P2RY14: variants seen among roughly 807,000 people sequenced by gnomAD.
P2RY14 encodes purinergic receptor P2Y14, also known as P2Y purinoceptor 14.
P2RY14 carries 2 observed loss-of-function variants against 0.9 expected under a neutral mutation model. The ratio of observed to expected loss-of-function variants is 2.16; its 90% CI spans 0.88 to 6.79. The LOEUF is 6.79. Among genes scored for constraint, P2RY14 ranks in the 30% most tolerant of loss-of-function variants. The pLI, the probability that P2RY14 is intolerant of heterozygous loss-of-function variation, is 0.05. For missense variants in P2RY14, 378 were observed against 400.1 expected (o/e 0.94, Z 0.47); for synonymous variants, 158 against 147.2 (o/e 1.07, Z -0.53).
chr3:151,246,255 A>G (rs1176660630), intron 1 of P2RY14, among the ~76,000 whole-genome samples: 1 of 152,182 alleles, frequency 6.6e-6, no homozygotes, highest in African/African-American at 2.4e-5. Context: ...TTCTTCACAG[A>G]ATTGGAAAAA....
rs148131527 is a variant in P2RY14 at position 151,247,955 on chromosome 3, T to C, written c.-132-28313A>G. Among the ~76,000 whole-genome samples, 370 of 103,428 alleles carry C rather than the reference T, an allele frequency of 3.6e-3. 6 individuals carry two copies. In the East Asian group the frequency reaches 0.045, roughly 12 times the overall value. 67.9% of individuals were successfully genotyped at this position (103,428 alleles called of 152,430 possible). On this transcript the variant is annotated intron_variant, in intron 1 of 2. Transcript: ENST00000309170. The stretch of plus-strand genomic sequence containing the variant: ...TTCTTTTGTTTACTTTCTTTCTTCT[T>C]CTTCTTCTTTTTTTTTTTTTTTTTT...
chr3:151,254,998 G>A (rs1345882683), intron 1 of P2RY14, among the ~76,000 whole-genome samples: 1 of 152,028 alleles, frequency 6.6e-6, no homozygotes, highest in East Asian at 1.9e-4. Flanking sequence ...AGTTTTCCCA[G>A]AAACTTTATA....
chr3:151,246,699 A>T (rs908749378), intron 1 of P2RY14, among the ~76,000 whole-genome samples: 2 of 152,210 alleles, frequency 1.3e-5, no homozygotes, highest in African/African-American at 2.4e-5. Flanking sequence ...ACCATTCAGG[A>T]CATAGGCATG....
intron 1 of P2RY14, among the ~76,000 whole-genome samples, chr3:151,253,497 C>T (rs1431122065): frequency 6.6e-6 from 1 of 152,188 alleles, no homozygotes; most frequent in African/African-American, 2.4e-5. Context: ...TAAATTTCAA[C>T]TTTAGTGGAG....
intron 1 of P2RY14, among the ~76,000 whole-genome samples, chr3:151,244,713 A>G (rs1316361273): frequency 4.6e-5 from 7 of 151,600 alleles, no homozygotes; most frequent in African/African-American, 9.7e-5. Context: ...AAGAACTAGA[A>G]AAGCAAGAGC....
chr3:151,242,728 C>A (rs544055857), intron 1 of P2RY14, among the ~76,000 whole-genome samples: 1 of 152,224 alleles, frequency 6.6e-6, no homozygotes, highest in Admixed American at 6.5e-5. Context: ...TCCAAAGGAA[C>A]GCAGTTCCTC....
chr3:151,222,720 A>G (rs1269516865), intron 1 of P2RY14, among the ~76,000 whole-genome samples: 1 of 152,240 alleles, frequency 6.6e-6, no homozygotes, highest in African/African-American at 2.4e-5. Context: ...ATGGACTAAT[A>G]AAGCATGATA....
chr3:151,235,870 CAT>C (rs950507950), intron 1 of P2RY14, among the ~76,000 whole-genome samples: 5 of 152,238 alleles, frequency 3.3e-5, no homozygotes, highest in South Asian at 2.1e-4. Context: ...TGGCATCTAA[CAT>C]AGCCATTCCC....
chr3:151,263,826 A>G (rs891118964), intron 1 of P2RY14, among the ~76,000 whole-genome samples: 1 of 152,188 alleles, frequency 6.6e-6, no homozygotes, highest in South Asian at 2.1e-4. Context: ...TTAAATGGTA[A>G]TAATTCTCTT....
At chr3:151,268,288 G>A (rs928961714) in intron 1 of P2RY14, among the ~76,000 whole-genome samples, 3 of 152,040 alleles carry the variant, frequency 2.0e-5, no homozygotes, top group Non-Finnish European at 4.4e-5. Flanking sequence ...CAACAGAGCT[G>A]CTGTGAATTA....
At chr3:151,251,620 T>A (rs1736878521) in intron 1 of P2RY14, among the ~76,000 whole-genome samples, 1 of 152,210 alleles carries the variant, frequency 6.6e-6, no homozygotes, top group African/African-American at 2.4e-5. Context: ...ATTTGACACC[T>A]CTTCTTCCAC....
chr3:151,246,158 G>C (rs1182411797), intron 1 of P2RY14, among the ~76,000 whole-genome samples: 2 of 152,160 alleles, frequency 1.3e-5, no homozygotes, highest in African/African-American at 2.4e-5. Context: ...ATGCTCATGG[G>C]TAGGAAGAAT....
intron 1 of P2RY14, among the ~76,000 whole-genome samples, chr3:151,265,724 G>A (rs935060180): frequency 9.9e-5 from 15 of 152,066 alleles, no homozygotes; most frequent in African/African-American, 3.6e-4. Flanking sequence ...GGAGACGGAT[G>A]GTGTCCCCAT....
chr3:151,218,866 CAAAAAAAAAAAAAAA>C (rs397686351), intron 2 of P2RY14, among the ~76,000 whole-genome samples: 58 of 71,362 alleles, frequency 8.1e-4, no homozygotes, highest in Middle Eastern at 0.014. Flanking sequence ...GACTCAGTCT[CAAAAAAAAAAAAAAA>C]AAAAAAAAAA....
chr3:151,251,378 G>T (rs1291216401), intron 1 of P2RY14, among the ~76,000 whole-genome samples: 1 of 151,868 alleles, frequency 6.6e-6, no homozygotes, highest in Non-Finnish European at 1.5e-5. Context: ...TCCAAAGCCT[G>T]GTGATTTTTT....
intron 1 of P2RY14, among the ~76,000 whole-genome samples, chr3:151,219,901 C>G (rs962587474): frequency 2.8e-5 from 4 of 140,980 alleles, no homozygotes; most frequent in Non-Finnish European, 6.2e-5. Flanking sequence ...ACCCCCCCCC[C>G]CCCCTTGGAT....
intron 1 of P2RY14, among the ~76,000 whole-genome samples, chr3:151,232,506 A>G (rs1731886604): frequency 1.3e-5 from 2 of 152,216 alleles, no homozygotes; most frequent in Non-Finnish European, 2.9e-5. Context: ...TTTCAGCACT[A>G]TTTCATAATA....
At chr3:151,256,409 G>T (rs563577351) in intron 1 of P2RY14, among the ~76,000 whole-genome samples, 8 of 152,290 alleles carry the variant, frequency 5.3e-5, no homozygotes, top group African/African-American at 1.9e-4. Context: ...GGAAGGGATG[G>T]AGACACATCC....
intron 1 of P2RY14, among the ~76,000 whole-genome samples, chr3:151,247,689 C>T (rs1182106967): frequency 6.9e-6 from 1 of 145,902 alleles, no homozygotes; most frequent in Non-Finnish European, 1.5e-5. Flanking sequence ...TGCAGTGCAC[C>T]AGCATGGCAC....
Sources: allele counts gnomAD v4.1 joint callset (sites outside exome capture counted in the v4.1 genomes callset), GRCh38; gene constraint gnomAD v4.1.1; transcripts MANE v1.5; gene names NCBI Gene and HGNC (gene_info 2026-07-23, HGNC 2026-07-21).